Variants in SEMA4G observed in about 807,000 individuals in gnomAD.
The protein encoded by SEMA4G is semaphorin-4G.
In SEMA4G, 59 loss-of-function variants were observed where a neutral mutation model predicts 81.2. The observed-to-expected ratio is 0.73, with a 90% CI of 0.59 to 0.90. The LOEUF is 0.90. Among genes scored for constraint, SEMA4G ranks in the 40% least tolerant of loss-of-function variants. The pLI is 0.00. For synonymous variants in SEMA4G, 404 were observed against 433.9 expected, an observed-to-expected ratio of 0.93 and a Z score of 0.86; for missense variants, 952 against 1,102.3, an observed-to-expected ratio of 0.86 and a Z score of 1.93.
intron 11 of SEMA4G, 33 bp from the exon 13 acceptor site, chr10:100,980,789 C>A (rs532331884): frequency 1.9e-6 from 3 of 1,555,080 alleles, no homozygotes; most frequent in Non-Finnish European, 2.6e-6. Flanking sequence ...TGAGTGGGGA[C>A]GCTGCCGACC....
exon 1 of SEMA4G, chr10:100,972,653 A>C: frequency 2.3e-6 from 1 of 439,378 alleles, no homozygotes; most frequent in Non-Finnish European, 4.1e-6. Context: ...TTGATGCAGA[A>C]AGGCATGTGA....
At chr10:100,979,540 G>A (rs528264476) in intron 8 of SEMA4G, among the ~76,000 whole-genome samples, 57 of 152,144 alleles carry the variant, frequency 3.7e-4, no homozygotes, top group East Asian at 3.7e-3. Context: ...GTGCCACCAC[G>A]CCTGGCTAAT....
chr10:100,981,688 C>A, intron 13 of SEMA4G: 1 of 994,228 alleles, frequency 1.0e-6, no homozygotes, highest in East Asian at 2.7e-5. Flanking sequence ...TTATTATCCC[C>A]ATGAGGGACC....
exon 14 of SEMA4G, chr10:100,984,547 T>A: frequency 6.5e-7 from 1 of 1,536,188 alleles, no homozygotes; most frequent in Non-Finnish European, 8.7e-7. Context: ...TGGCCCTGTG[T>A]GCTGGATGGT....
Position 100,973,641 on chromosome 10 carries a change from C to T in SEMA4G, c.336+32C>T, listed in dbSNP as rs1470875906. 2 of 1,602,456 alleles carry T rather than the reference C, an allele frequency of 1.2e-6. No individual in the cohort carries two copies. The highest frequency in any genetic ancestry group is 1.1e-5 in the South Asian group (1 of 90,542). ...GGTCTGCCCTGTCCCCAGCTCCTTT[C>T]CTCCCCTTCTTCCTCAATCAGGGAT... On this transcript the variant is annotated intron_variant, in intron 3 of 13. Coordinates refer to ENST00000370250, the Ensembl canonical transcript of SEMA4G. This position sits in a 1 kb window ranked among gnomAD's most constrained non-coding sequence, Gnocchi z 5.5.
chr10:100,975,452 A>G (rs1850746189), intron 3 of SEMA4G, among the ~76,000 whole-genome samples: 1 of 152,236 alleles, frequency 6.6e-6, no homozygotes, highest in Non-Finnish European at 1.5e-5. Context: ...CCAGTCCCAC[A>G]ATGCACAGCA....
At chr10:100,971,575 A>G (rs1850632546), upstream of SEMA4G, among the ~76,000 whole-genome samples, 1 of 152,042 alleles carries the variant, frequency 6.6e-6, no homozygotes, top group African/African-American at 2.4e-5. Flanking sequence ...GACCTGGGAG[A>G]GGAGGCACCA....
At chr10:100,982,879 G>A (rs74154245) in intron 13 of SEMA4G, among the ~76,000 whole-genome samples, 100 of 152,364 alleles carry the variant, frequency 6.6e-4, no homozygotes, top group African/African-American at 2.4e-3. Flanking sequence ...GGCTGGTGGT[G>A]CCATTCACAG....
chr10:100,974,246 A>T (rs962475206), intron 3 of SEMA4G, among the ~76,000 whole-genome samples: 1 of 151,854 alleles, frequency 6.6e-6, no homozygotes, highest in African/African-American at 2.4e-5. Context: ...TAGGAGGACA[A>T]CTTGAGTCCA....
Position 100,973,617 on chromosome 10 carries a change from G to A in SEMA4G, c.336+8G>A. ...AAAGGGAAAAACAACCAGGTATGTG[G>A]TCTGCCCTGTCCCCAGCTCCTTTCC... On this transcript the variant is annotated splice_region_variant and intron_variant, in intron 3 of 13. Transcript: ENST00000370250. This position sits in a 1 kb window ranked among gnomAD's most constrained non-coding sequence, Gnocchi z 5.5. The A allele has an allele frequency of 6.2e-7, 1 of 1,613,734 alleles. No homozygotes were observed.
exon 14 of SEMA4G, chr10:100,983,413 G>A (rs1157499811): frequency 3.1e-6 from 5 of 1,612,932 alleles, no homozygotes; most frequent in Non-Finnish European, 4.2e-6. Context: ...CTCAATGGGA[G>A]CATGGGCCTG....
chr10:100,981,321 G>A, intron 13 of SEMA4G, 92 bp downstream of exon 14: 6 of 1,596,482 alleles, frequency 3.8e-6, no homozygotes, highest in Middle Eastern at 1.7e-4. Flanking sequence ...TATCTGAGTG[G>A]CTGTGGCTAT....
upstream of SEMA4G, among the ~76,000 whole-genome samples, chr10:100,971,119 T>C (rs998933683): frequency 2.0e-4 from 1 of 4,894 alleles, no homozygotes; most frequent in African/African-American, 1.1e-3. Context: ...TGTGAACATG[T>C]GTGTGTGTGT....
chr10:100,973,271 C>T lies in SEMA4G; in HGVS notation c.267C>T (p.His89=). The T allele has an allele frequency of 6.2e-7, 1 of 1,612,862 alleles. No individual in the cohort carries two copies. The highest frequency in any genetic ancestry group is 8.5e-7 in the Non-Finnish European group (1 of 1,180,030). ...CCAACGACATAGGAGATGGGGCTCA[C>T]AAAGAGGTCAGGCCCTGGAACCTGG... Residue 89 remains histidine, a synonymous_variant, in exon 2 of 14, where the codon CAC becomes CAT. Coordinates refer to ENST00000370250, the Ensembl canonical transcript of SEMA4G. The surrounding 1 kb of genome is among the most constrained non-coding windows in gnomAD (Gnocchi z 5.5).
intron 3 of SEMA4G, among the ~76,000 whole-genome samples, chr10:100,975,745 G>A (rs533625616): frequency 6.6e-6 from 1 of 151,994 alleles, no homozygotes; most frequent in Non-Finnish European, 1.5e-5. Flanking sequence ...GCGAGTAGTA[G>A]TCCCAGTCAC....
rs563791323 is a variant in SEMA4G at position 100,973,919 on chromosome 10, C to T, written c.336+310C>T. ...TCAGCCTCCTGAGTAGCTAGGACCA[C>T]GGGCACATGCCACGCCCAGCTAAGT... is the stretch of plus-strand genomic sequence containing the variant. On this transcript the variant is annotated intron_variant, in intron 3 of 13. Transcript: ENST00000370250. This position sits in a 1 kb window ranked among gnomAD's most constrained non-coding sequence, Gnocchi z 5.5. Among the ~76,000 whole-genome samples the T allele has an allele frequency of 2.6e-5, 4 of 151,836 alleles. No homozygotes were observed. The highest frequency in any genetic ancestry group is 3.9e-4 in the East Asian group (2 of 5,140).
chr10:100,982,405 A>C (rs1589996032), intron 13 of SEMA4G, among the ~76,000 whole-genome samples: 1 of 152,372 alleles, frequency 6.6e-6, no homozygotes, highest in African/African-American at 2.4e-5. Context: ...AATGGATTAC[A>C]TGGGGCCAGA....
chr10:100,983,660 C>T (rs147942823), exon 14 of SEMA4G: 255 of 1,613,340 alleles, frequency 1.6e-4, no homozygotes, highest in Non-Finnish European at 2.1e-4. Context: ...TAGCCATTGC[C>T]GCGCTTGGTG....
chr10:100,985,002 T>C (rs956410819), downstream of SEMA4G: 14 of 1,246,710 alleles, frequency 1.1e-5, no homozygotes, highest in African/African-American at 2.1e-4. Context: ...CCTCCCTTGC[T>C]GTCTTGGACC....
Sources: gnomAD v4.1 joint callset for allele counts (sites outside exome capture counted in the v4.1 genomes callset) on GRCh38, gnomAD v4.1.1 for gene constraint, Gnocchi (gnomAD v3.1) non-coding constraint, MANE v1.5 for transcripts, NCBI Gene and HGNC (gene_info 2026-07-23, HGNC 2026-07-21) for gene names.